CERS6: variants seen among roughly 807,000 people sequenced by gnomAD.
CERS6 encodes the protein ceramide synthase 6.
In CERS6, 26 loss-of-function variants were observed where a neutral mutation model predicts 56.8. That is an observed-to-expected ratio of 0.46 (90% confidence interval 0.34 to 0.63). The LOEUF is 0.63. CERS6 is among the 30% of genes least tolerant of loss of function. CERS6 has a pLI of 0.01. For synonymous variants in CERS6, 164 were observed against 173.3 expected (o/e 0.95, Z 0.42); for missense variants, 415 against 467.5 (o/e 0.89, Z 1.04).
chr2:168,558,738 T>G lies in CERS6; in HGVS notation c.277-2454T>G, dbSNP rs143134893. ...CAAAAAATTAGCAGGGTGTGGTGGCTGGCGCCTGTAGTCCCAGCTACTCTG... is the reference window on the plus strand; with the variant it reads ...CAAAAAATTAGCAGGGTGTGGTGGCGGGCGCCTGTAGTCCCAGCTACTCTG... On this transcript the variant is annotated intron_variant, in intron 2 of 9. Transcript: ENST00000305747. Among the ~76,000 whole-genome samples the G allele has an allele frequency of 8.7e-3, 1,308 of 149,504 alleles. 15 individuals carry two copies. Among genetic ancestry groups the G allele is most frequent in the African/African-American group, 0.029 (1,145 of 39,966 alleles).
At chr2:168,736,090 A>C (rs1282536859) in intron 8 of CERS6, among the ~76,000 whole-genome samples, 1 of 152,024 alleles carries the variant, frequency 6.6e-6, no homozygotes, top group Non-Finnish European at 1.5e-5. Context: ...TGGTGTTTTG[A>C]TTTGGTATTA....
At chr2:168,649,137 C>G (rs534731459) in intron 4 of CERS6, among the ~76,000 whole-genome samples, 2 of 152,240 alleles carry the variant, frequency 1.3e-5, no homozygotes, top group East Asian at 3.9e-4. Context: ...GCTGCAGCAG[C>G]CTTGGGCTTC....
intron 3 of CERS6, among the ~76,000 whole-genome samples, chr2:168,593,080 TAAC>T (rs972649142): frequency 6.6e-6 from 1 of 152,218 alleles, no homozygotes; most frequent in African/African-American, 2.4e-5. Flanking sequence ...GCTAGCAGCA[TAAC>T]ATCTTCCAAT....
intron 1 of CERS6, among the ~76,000 whole-genome samples, chr2:168,544,037 T>C (rs1439710710): frequency 6.6e-6 from 1 of 152,220 alleles, no homozygotes; most frequent in Non-Finnish European, 1.5e-5. Flanking sequence ...AACCATCAAA[T>C]ACTCACTGAG....
At chr2:168,546,208 G>T (rs1388892871) in intron 1 of CERS6, among the ~76,000 whole-genome samples, 1 of 152,138 alleles carries the variant, frequency 6.6e-6, no homozygotes, top group Non-Finnish European at 1.5e-5. Flanking sequence ...GTTAGGAAAA[G>T]GTTATACTTA....
chr2:168,592,140 A>G (rs1683686812), intron 3 of CERS6, among the ~76,000 whole-genome samples: 1 of 152,240 alleles, frequency 6.6e-6, no homozygotes, highest in African/African-American at 2.4e-5. Context: ...TATTACATGT[A>G]CTTGACTTAC....
chr2:168,519,969 A>G (rs6722024), intron 1 of CERS6, among the ~76,000 whole-genome samples: 17,192 of 152,188 alleles, frequency 0.11, 1,740 homozygotes, highest in African/African-American at 0.28. Context: ...GGGTCAAATG[A>G]TAATTCTATT....
intron 4 of CERS6, among the ~76,000 whole-genome samples, chr2:168,645,136 T>TATATATATATATATAG (rs1685155895): frequency 2.8e-5 from 1 of 35,492 alleles, no homozygotes; most frequent in Non-Finnish European, 4.9e-5. Flanking sequence ...TATATATATA[T>TATATATATATATATAG]ATATATAGAG....
chr2:168,609,575 C>G (rs13398059), intron 3 of CERS6, among the ~76,000 whole-genome samples: 9,548 of 152,244 alleles, frequency 0.063, 426 homozygotes, highest in Non-Finnish European at 0.093. Flanking sequence ...AGCTCTTCCT[C>G]CACTGCCATG....
At chr2:168,668,015 G>T (rs1269432503) in intron 4 of CERS6, among the ~76,000 whole-genome samples, 1 of 152,200 alleles carries the variant, frequency 6.6e-6, no homozygotes, top group African/African-American at 2.4e-5. Context: ...GAAAAAGTAG[G>T]TGGAGGGCAG....
intron 1 of CERS6, among the ~76,000 whole-genome samples, chr2:168,545,541 G>A (rs1695451110): frequency 6.6e-6 from 1 of 151,338 alleles, no homozygotes; most frequent in South Asian, 2.1e-4. Context: ...ACAGAGGTGA[G>A]GAAGTTGAAG....
intron 8 of CERS6, among the ~76,000 whole-genome samples, chr2:168,719,127 A>G (rs940816786): frequency 3.9e-5 from 6 of 152,182 alleles, no homozygotes; most frequent in Non-Finnish European, 7.3e-5. Flanking sequence ...CATTTGCTGC[A>G]TTACCAGCAC....
intron 1 of CERS6, among the ~76,000 whole-genome samples, chr2:168,492,997 A>G (rs2105339873): frequency 6.6e-6 from 1 of 152,252 alleles, no homozygotes; most frequent in East Asian, 1.9e-4. Flanking sequence ...AATGGGATCC[A>G]TTAGTACTAT....
chr2:168,721,700 C>T (rs1373438512), intron 8 of CERS6, among the ~76,000 whole-genome samples: 4 of 151,108 alleles, frequency 2.6e-5, no homozygotes. Context: ...CTCATTGCAG[C>T]CTTGAACTCC....
chr2:168,747,644 A>G (rs538913499), intron 8 of CERS6, among the ~76,000 whole-genome samples: 86 of 152,238 alleles, frequency 5.6e-4, no homozygotes, highest in South Asian at 5.0e-3. Flanking sequence ...TTATTTTTTG[A>G]TAACACAGTG....
intron 1 of CERS6, among the ~76,000 whole-genome samples, chr2:168,477,162 T>C (rs1694087897): frequency 8.2e-6 from 1 of 121,854 alleles, no homozygotes; most frequent in Admixed American, 8.6e-5. Context: ...AGGAAAGGAA[T>C]GAGGGAGAGA....
intron 1 of CERS6, among the ~76,000 whole-genome samples, chr2:168,543,014 A>G (rs755448867): frequency 1.3e-5 from 2 of 152,160 alleles, no homozygotes; most frequent in Admixed American, 6.6e-5. Context: ...CGTTTTGACT[A>G]TATCTCTCAC....
At chr2:168,548,017 G>A (rs1345632302) in intron 2 of CERS6, among the ~76,000 whole-genome samples, 2 of 152,190 alleles carry the variant, frequency 1.3e-5, no homozygotes, top group African/African-American at 2.4e-5. Context: ...GATGAGGGCT[G>A]GGAGGGACTT....
At chr2:168,738,763 T>A (rs1466225823) in intron 8 of CERS6, among the ~76,000 whole-genome samples, 1 of 152,236 alleles carries the variant, frequency 6.6e-6, no homozygotes, top group Non-Finnish European at 1.5e-5. Flanking sequence ...ATGAATGTAG[T>A]ACCCGTGCTC....
Sources: gnomAD v4.1 joint callset for allele counts (sites outside exome capture counted in the v4.1 genomes callset) on GRCh38, gnomAD v4.1.1 for gene constraint, MANE v1.5 for transcripts, NCBI Gene and HGNC (gene_info 2026-07-23, HGNC 2026-07-21) for gene names.